Variants in ZNF385D observed in about 807,000 individuals in gnomAD.
ZNF385D encodes zinc finger protein 385D.
A neutral mutation model predicts 35.8 loss-of-function variants in ZNF385D; 15 were observed. The observed-to-expected ratio is 0.42, with a 90% confidence interval of 0.28 to 0.64. The LOEUF (loss-of-function observed/expected upper bound fraction) is 0.64, where lower values mean the gene tolerates loss of function less well. Among genes scored for constraint, ZNF385D ranks in the 30% least tolerant of loss-of-function variants. The pLI is 0.23. For synonymous variants in ZNF385D, 212 were observed against 186.8 expected, an observed-to-expected ratio of 1.13 and a Z score of -1.10; for missense variants, 474 against 494.6, an observed-to-expected ratio of 0.96 and a Z score of 0.39.
chr3:21,699,472 G>T (rs1278845817), intron 1 of ZNF385D, among the ~76,000 whole-genome samples: 2 of 151,690 alleles, frequency 1.3e-5, no homozygotes, highest in African/African-American at 4.8e-5. Flanking sequence ...ATGTATCCCA[G>T]AACTTAAAGT....
chr3:21,936,328 A>G (rs1469507524), intron 3 of ZNF385D, among the ~76,000 whole-genome samples: 2 of 152,100 alleles, frequency 1.3e-5, no homozygotes, highest in Admixed American at 1.3e-4. Flanking sequence ...ATCTTAGCGT[A>G]TTGAGGCTAA....
chr3:21,502,271 TTATTACC>T (rs1051009167), intron 4 of ZNF385D, among the ~76,000 whole-genome samples: 6 of 152,180 alleles, frequency 3.9e-5, no homozygotes, highest in Non-Finnish European at 4.4e-5. Context: ...TTGTCACAGG[TTATTACC>T]TATTCTTTCG....
At chr3:21,432,281 T>C (rs1406845181) in intron 5 of ZNF385D, among the ~76,000 whole-genome samples, 1 of 152,174 alleles carries the variant, frequency 6.6e-6, no homozygotes, top group Non-Finnish European at 1.5e-5. Flanking sequence ...CCTTCTTTTT[T>C]ACATTGTTGC....
intron 2 of ZNF385D, among the ~76,000 whole-genome samples, chr3:22,175,510 A>G (rs187684643): frequency 7.9e-5 from 12 of 152,200 alleles, no homozygotes; most frequent in Admixed American, 7.8e-4. Flanking sequence ...ACACATTGCC[A>G]TTCAAAGTTG....
intron 3 of ZNF385D, among the ~76,000 whole-genome samples, chr3:22,018,526 T>A (rs1576162522): frequency 6.6e-6 from 1 of 152,170 alleles, no homozygotes; most frequent in East Asian, 1.9e-4. Flanking sequence ...AACTTTTTGT[T>A]AGTTCCTAAT....
At chr3:21,993,470 A>G (rs994534862) in intron 3 of ZNF385D, among the ~76,000 whole-genome samples, 1 of 152,316 alleles carries the variant, frequency 6.6e-6, no homozygotes, top group Non-Finnish European at 1.5e-5. Flanking sequence ...AAGTAGTGAA[A>G]AGTCTCATAA....
At chr3:22,037,136 A>T (rs1309413274) in intron 3 of ZNF385D, among the ~76,000 whole-genome samples, 2 of 151,812 alleles carry the variant, frequency 1.3e-5, no homozygotes, top group Non-Finnish European at 2.9e-5. Flanking sequence ...GTTGGTTCCA[A>T]GTCTTTGCTA....
At chr3:21,977,630 G>A (rs1703714754) in intron 3 of ZNF385D, among the ~76,000 whole-genome samples, 1 of 151,902 alleles carries the variant, frequency 6.6e-6, no homozygotes. Context: ...ATGATCCTGG[G>A]TAACACATGA....
Position 22,075,288 on chromosome 3 carries a change from C to G in ZNF385D, c.325+93529G>C, listed in dbSNP as rs371365107. Among the ~76,000 whole-genome samples the G allele has an allele frequency of 3.9e-5, 6 of 151,950 alleles. No homozygotes were observed. In the East Asian group the frequency reaches 9.7e-4, roughly 25 times the overall value. ...CTAATCACTTAACTTAAAAAATTTTCCTTTCCAGTTTCCCTAAAGATTCCT... is the reference window on the plus strand; with the variant it reads ...CTAATCACTTAACTTAAAAAATTTTGCTTTCCAGTTTCCCTAAAGATTCCT... On this transcript the variant is annotated intron_variant, in intron 3 of 5. Transcript: ENST00000494108.
intron 3 of ZNF385D, among the ~76,000 whole-genome samples, chr3:21,768,256 A>T (rs540384753): frequency 7.6e-4 from 115 of 152,226 alleles, no homozygotes; most frequent in Middle Eastern, 6.8e-3. Flanking sequence ...AAATGTTAAG[A>T]AAAAGAGCAT....
chr3:21,538,160 C>A (rs1034930140), intron 3 of ZNF385D, among the ~76,000 whole-genome samples: 1 of 151,872 alleles, frequency 6.6e-6, no homozygotes, highest in Middle Eastern at 3.2e-3. Context: ...GACTGAGATG[C>A]GGCCTTTGGT....
At position 21,496,473 on chromosome 3, in the gene ZNF385D, T is replaced by C. The variant is rs1293259418; in HGVS notation, c.439+14388A>G. On this transcript the variant is annotated intron_variant, in intron 4 of 7. Transcript: ENST00000281523. ...ATATTTGATATATATATCATATATA[T>C]ACATATATACACATATATTTGATAT... Among the ~76,000 whole-genome samples the C allele has an allele frequency of 2.6e-3, 252 of 96,924 alleles. 3 individuals are homozygous for C. The highest frequency in any genetic ancestry group is 7.8e-3 in the African/African-American group (178 of 22,710). 63.6% of individuals were successfully genotyped at this position (96,924 alleles called of 152,430 possible).
chr3:22,078,931 G>T (rs973133691), intron 3 of ZNF385D, among the ~76,000 whole-genome samples: 1 of 151,882 alleles, frequency 6.6e-6, no homozygotes, highest in Non-Finnish European at 1.5e-5. Context: ...AAAAATGTGT[G>T]GAAATTGACC....
At chr3:22,075,532 C>T (rs1559349533) in intron 3 of ZNF385D, among the ~76,000 whole-genome samples, 1 of 151,832 alleles carries the variant, frequency 6.6e-6, no homozygotes. Flanking sequence ...TCTTGGATTT[C>T]ATGTAACTCA....
chr3:21,650,478 A>G (rs1035125271), intron 2 of ZNF385D, among the ~76,000 whole-genome samples: 1 of 152,178 alleles, frequency 6.6e-6, no homozygotes, highest in Non-Finnish European at 1.5e-5. Context: ...TGAGAAAGCA[A>G]TATCTACGTG....
chr3:21,871,603 T>C (rs919895962), intron 3 of ZNF385D, among the ~76,000 whole-genome samples: 3 of 152,144 alleles, frequency 2.0e-5, no homozygotes, highest in Non-Finnish European at 4.4e-5. Flanking sequence ...TTGTCAATGG[T>C]TACACCTTCT....
intron 3 of ZNF385D, among the ~76,000 whole-genome samples, chr3:22,058,929 A>G (rs909501037): frequency 1.3e-5 from 2 of 152,168 alleles, no homozygotes; most frequent in Admixed American, 1.3e-4. Flanking sequence ...TTTCCTCTTT[A>G]CATGATCTTC....
At chr3:21,725,731 C>G (rs1057226807) in intron 1 of ZNF385D, among the ~76,000 whole-genome samples, 80 of 152,256 alleles carry the variant, frequency 5.3e-4, no homozygotes, top group African/African-American at 1.9e-3. Flanking sequence ...GAAAAATTGA[C>G]AGCTGAATTC....
chr3:21,773,937 A>G (rs750173567), intron 3 of ZNF385D, among the ~76,000 whole-genome samples: 2 of 152,058 alleles, frequency 1.3e-5, no homozygotes, highest in Non-Finnish European at 2.9e-5. Context: ...CCAAAGGATT[A>G]TAAATCATTC....
Sources: gnomAD v4.1 joint callset for allele counts (sites outside exome capture counted in the v4.1 genomes callset) on GRCh38, gnomAD v4.1.1 for gene constraint, MANE v1.5 for transcripts, NCBI Gene and HGNC (gene_info 2026-07-23, HGNC 2026-07-21) for gene names.